PASK: variants seen among roughly 807,000 people sequenced by gnomAD.
The protein encoded by PASK is PAS domain containing serine/threonine kinase.
A neutral mutation model predicts 121.0 loss-of-function variants in PASK; 110 were observed. The ratio of observed to expected loss-of-function variants is 0.91; its 90% CI spans 0.78 to 1.06. The LOEUF (loss-of-function observed/expected upper bound fraction) is 1.06. PASK is among the 50% of genes least tolerant of loss of function. PASK has a pLI of 0.00. For synonymous variants in PASK, 686 were observed against 717.8 expected (o/e 0.96, Z 0.71); for missense variants, 1,643 against 1,702.3 (o/e 0.97, Z 0.61).
chr2:241,119,067 T>G, intron 12 of PASK: 1 of 452,656 alleles, frequency 2.2e-6, no homozygotes, highest in South Asian at 9.4e-5. Flanking sequence ...GAGGGAGGAT[T>G]CAAGTCGGGA....
At position 241,138,725 on chromosome 2, in the gene PASK, G is replaced by C; in HGVS notation, c.670C>G (p.Arg224Gly). 1.9e-6 allele frequency: 3 copies of C among 1,613,744 alleles called. No individual in the cohort carries two copies. Among genetic ancestry groups the C allele is most frequent in the Non-Finnish European group, 2.5e-6 (3 of 1,179,714 alleles). Residue 224 changes from arginine (R) to glycine (G), a missense_variant, in exon 5 of 18, where the codon CGC (arginine) becomes GGC (glycine). Coordinates refer to ENST00000234040, the MANE Select transcript of PASK (RefSeq NM_015148.4). ...SVWMKRMRQE[R>G]RLCCVVVLEP... ...AGGACCACCACGCAGCATAGGCGGCGCTCCTGCCGCATCCTCTTCATCCAC... is the reference window on the plus strand; with the variant it reads ...AGGACCACCACGCAGCATAGGCGGCCCTCCTGCCGCATCCTCTTCATCCAC...
chr2:241,128,253 G>C (rs1274871577), intron 9 of PASK, among the ~76,000 whole-genome samples: 2 of 152,212 alleles, frequency 1.3e-5, no homozygotes, highest in Admixed American at 6.5e-5. Context: ...TCACTGGTGA[G>C]ATGGGTGACA....
chr2:241,134,184 A>G (rs2125442787), intron 8 of PASK: 1 of 152,318 alleles, frequency 6.6e-6, no homozygotes, highest in African/African-American at 2.4e-5. Flanking sequence ...ATGCGAGAGT[A>G]ACAGAAATGT....
At chr2:241,121,948 A>G (rs568391760) in intron 12 of PASK, among the ~76,000 whole-genome samples, 107 of 152,364 alleles carry the variant, frequency 7.0e-4, no homozygotes, top group Admixed American at 2.7e-3. Flanking sequence ...CATTATACAA[A>G]GTATGTTCTC....
chr2:241,140,865 G>A, intron 2 of PASK, 112 bp from the exon 3 acceptor site: 1 of 740,822 alleles, frequency 1.3e-6, no homozygotes, highest in East Asian at 2.7e-5. Context: ...AAAGATCTAA[G>A]GATTAAGTCA....
chr2:241,123,961 G>A lies in PASK; in HGVS notation c.2892C>T (p.Pro964=). ...TGCAAATACCCACTTCCACCAGGCT[G>A]GGTCCGGTGAGCTCAGCAGCGGTAG... is the stretch of plus-strand genomic sequence containing the variant. ...THSTAAELTG[P]SLVEVLRARP... is the part of the protein sequence containing the mutation. Residue 964 remains proline (P), a synonymous_variant, in exon 11 of 18, where the codon CCC becomes CCT. Transcript: ENST00000234040. 2.5e-6 allele frequency: 4 copies of A among 1,613,550 alleles called. No homozygotes were observed. The highest frequency in any genetic ancestry group is 2.5e-6 in the Non-Finnish European group (3 of 1,179,828).
intron 7 of PASK, among the ~76,000 whole-genome samples, chr2:241,136,796 G>A (rs77176377): frequency 0.026 from 3,911 of 152,294 alleles, 156 homozygotes; most frequent in African/African-American, 0.088. Context: ...CTCTCCCTCC[G>A]ACGGTGGTTG....
Position 241,149,443 on chromosome 2 carries a change from G to C in PASK, c.-72C>G, listed in dbSNP as rs140964019. 1.1e-3 allele frequency: 608 copies of C among 569,828 alleles called. 3 individuals carry two copies. Among genetic ancestry groups the C allele is most frequent in the African/African-American group, 9.7e-3 (508 of 52,132 alleles). The allele number at this position is 569,828 out of a possible 1,614,324, so 35.3% of individuals were successfully genotyped here. On this transcript the variant is annotated 5_prime_UTR_variant, in exon 1 of 18. Transcript: ENST00000234040. ...ATCAGGCGAGGGTCACGCCAAGCCG[G>C]CTACACACCACGGAAAGGAGCCCTT...
At chr2:241,130,308 G>A (rs1238116393) in intron 9 of PASK, among the ~76,000 whole-genome samples, 1 of 152,212 alleles carries the variant, frequency 6.6e-6, no homozygotes, top group African/African-American at 2.4e-5. Context: ...TCTCAGAACT[G>A]TGACATCCAG....
chr2:241,149,713 G>A, upstream of PASK: 1 of 1,550,772 alleles, frequency 6.4e-7, no homozygotes, highest in Non-Finnish European at 8.7e-7. Flanking sequence ...AAATGGGTGA[G>A]TAGCGCAGAG....
chr2:241,121,986 T>C (rs2065634217), intron 12 of PASK, among the ~76,000 whole-genome samples: 1 of 152,082 alleles, frequency 6.6e-6, no homozygotes, highest in East Asian at 1.9e-4. Context: ...CAAAAAGATA[T>C]CTGAACAATC....
chr2:241,133,891 A>T (rs2066284406), intron 8 of PASK: 1 of 151,586 alleles, frequency 6.6e-6, no homozygotes, highest in South Asian at 2.1e-4. Flanking sequence ...CTGGGACAGG[A>T]GAATCACCTG....
rs1360116078 is a variant in PASK, at chr2:241,126,961, T to C, written c.1954A>G (p.Asn652Asp). The change falls in exon 10 of 18, where the codon AAC (asparagine) becomes GAC (aspartate). Residue 652 changes from asparagine to aspartate, a missense_variant. By Grantham distance (23) the Asn-to-Asp change is conservative. This residue lies in a region of PASK where 1,176 missense variants were observed against 1,162.2 expected (regional missense o/e 1.01). Coordinates refer to ENST00000234040, the MANE Select transcript of PASK (RefSeq NM_015148.4). The part of the protein sequence containing the change: ...TLDEPWLGVE[N>D]DREELQTCLI... ...CAGGTCTGCAGCTCTTCTCGGTCGT[T>C]TTCCACTCCCAGCCACGGCTCATCT... 6 of 1,614,040 alleles carry C rather than the reference T, an allele frequency of 3.7e-6. No individual in the cohort carries two copies. The highest frequency in any genetic ancestry group is 8.5e-7 in the Non-Finnish European group (1 of 1,180,030).
chr2:241,111,022 A>G (rs1288781720), intron 15 of PASK, among the ~76,000 whole-genome samples: 1 of 152,226 alleles, frequency 6.6e-6, no homozygotes, highest in Non-Finnish European at 1.5e-5. Flanking sequence ...GCGCAGGCTG[A>G]GGCTGCTGGG....
At chr2:241,113,429 TATAC>T (rs2065191193) in intron 14 of PASK, 1 of 141,984 alleles carries the variant, frequency 7.0e-6, no homozygotes, top group South Asian at 2.1e-4. Context: ...CCTGCATATT[TATAC>T]ATACATTTAG....
intron 1 of PASK, 127 bp from the exon 2 acceptor site, chr2:241,143,201 G>T (rs2066793200): frequency 3.0e-6 from 2 of 670,740 alleles, no homozygotes. Context: ...GCCATCCTGG[G>T]TCAGAACCCG....
chr2:241,118,110 C>G (rs955251897), intron 12 of PASK, among the ~76,000 whole-genome samples: 3 of 152,058 alleles, frequency 2.0e-5, no homozygotes, highest in Non-Finnish European at 4.4e-5. Flanking sequence ...CAATGTGATT[C>G]CTATGAGAAT....
chr2:241,126,998 C>T lies in PASK; in HGVS notation c.1917G>A (p.Gly639=), dbSNP rs1446159346. ...SPSGMAGLSF[G]TPTLDEPWLG... is the part of the protein sequence containing the mutation. Reference sequence around the variant, plus strand: ...GCCACGGCTCATCTAGAGTAGGTGTCCCAAACGAGAGGCCTGCCATCCCAG... The same window carrying T: ...GCCACGGCTCATCTAGAGTAGGTGTTCCAAACGAGAGGCCTGCCATCCCAG... The change falls in exon 10 of 18, where the codon GGG becomes GGA. Residue 639 remains glycine (G), a synonymous_variant. Coordinates refer to ENST00000234040, the MANE Select transcript of PASK (RefSeq NM_015148.4). The T allele has an allele frequency of 6.2e-7, 1 of 1,614,130 alleles. No homozygotes were observed. The highest frequency in any genetic ancestry group is 8.5e-7 in the Non-Finnish European group (1 of 1,180,054).
chr2:241,147,888 G>A (rs1189702888), intron 1 of PASK, among the ~76,000 whole-genome samples: 4 of 152,168 alleles, frequency 2.6e-5, no homozygotes, highest in Non-Finnish European at 2.9e-5. Flanking sequence ...AGGACAGCAG[G>A]AAAGATGCAT....
Sources: gnomAD v4.1 joint callset for allele counts (sites outside exome capture counted in the v4.1 genomes callset) on GRCh38, gnomAD v4.1.1 for gene constraint, gnomAD v4.1.1 regional missense constraint, MANE v1.5 for transcripts, NCBI Gene and HGNC (gene_info 2026-07-23, HGNC 2026-07-21) for gene names.